Variants in DEPTOR observed in about 807,000 individuals in gnomAD.
DEPTOR encodes the protein DEP domain-containing mTOR-interacting protein.
In DEPTOR, 41 loss-of-function variants were observed where a neutral mutation model predicts 41.6. That is an observed-to-expected ratio of 0.98 (90% CI 0.77 to 1.28). DEPTOR has a LOEUF of 1.28. Ranked by LOEUF, DEPTOR falls within the 50% of genes most tolerant of loss-of-function variation. The probability of loss-of-function intolerance (pLI) is 0.00; values close to 1 mark genes in which losing one functional copy is unlikely to be tolerated. For synonymous variants in DEPTOR, 195 were observed against 192.3 expected, an observed-to-expected ratio of 1.01 and a Z score of -0.12; for missense variants, 514 against 527.9, an observed-to-expected ratio of 0.97 and a Z score of 0.26.
intron 1 of DEPTOR, among the ~76,000 whole-genome samples, chr8:119,890,649 T>C (rs1827441137): frequency 6.6e-6 from 1 of 152,184 alleles, no homozygotes; most frequent in Non-Finnish European, 1.5e-5. Context: ...ATTTGTTAAA[T>C]AATAGTGATA....
chr8:120,002,955 G>T, intron 5 of DEPTOR, 22 bp from the exon 6 acceptor site: 1 of 1,552,014 alleles, frequency 6.4e-7, no homozygotes, highest in Non-Finnish European at 8.7e-7. Context: ...TGGTGACTGT[G>T]TGTGTTCTCT....
intron 4 of DEPTOR, among the ~76,000 whole-genome samples, chr8:119,974,167 G>T (rs1439967429): frequency 7.2e-6 from 1 of 139,094 alleles, no homozygotes; most frequent in Non-Finnish European, 1.6e-5. Context: ...GGGAAGCTGA[G>T]TGGGGAGGAT....
At chr8:120,046,359 C>A (rs941473027) in intron 8 of DEPTOR, among the ~76,000 whole-genome samples, 24 of 151,942 alleles carry the variant, frequency 1.6e-4, no homozygotes, top group African/African-American at 5.3e-4. Context: ...CCCCACCCCA[C>A]CACCCCTGCT....
chr8:120,044,197 C>G (rs1813122091), intron 8 of DEPTOR, among the ~76,000 whole-genome samples: 1 of 151,062 alleles, frequency 6.6e-6, no homozygotes, highest in Non-Finnish European at 1.5e-5. Context: ...GGGTTTTGCT[C>G]TTGTTGCAAC....
At chr8:119,881,960 G>A (rs779920380) in intron 1 of DEPTOR, among the ~76,000 whole-genome samples, 4 of 152,080 alleles carry the variant, frequency 2.6e-5, no homozygotes, top group Non-Finnish European at 5.9e-5. Context: ...GTGCAATCGC[G>A]GCTCACTGCA....
At chr8:119,966,829 C>A (rs1025714703) in intron 4 of DEPTOR, among the ~76,000 whole-genome samples, 3 of 152,186 alleles carry the variant, frequency 2.0e-5, no homozygotes, top group African/African-American at 7.2e-5. Context: ...ACATGTATGG[C>A]AGCCTTCAGA....
chr8:119,910,943 G>T (rs10217077), intron 1 of DEPTOR, among the ~76,000 whole-genome samples: 75,652 of 151,670 alleles, frequency 0.5, 20,550 homozygotes, highest in East Asian at 0.92. Flanking sequence ...TCCTAGAGGG[G>T]TGTGTGTGTG....
chr8:119,917,993 A>C (rs558885631), intron 1 of DEPTOR, among the ~76,000 whole-genome samples: 4 of 152,340 alleles, frequency 2.6e-5, no homozygotes, highest in Non-Finnish European at 5.9e-5. Flanking sequence ...GATGCAGAGA[A>C]CTTTGTTCAT....
intron 3 of DEPTOR, among the ~76,000 whole-genome samples, chr8:119,943,733 G>A (rs1004362600): frequency 1.1e-4 from 16 of 152,062 alleles, no homozygotes; most frequent in African/African-American, 3.6e-4. Flanking sequence ...ACCCCACCCC[G>A]TTCTGTCAGA....
chr8:119,982,061 G>T (rs1828776659), intron 4 of DEPTOR, among the ~76,000 whole-genome samples: 1 of 151,304 alleles, frequency 6.6e-6, no homozygotes, highest in Non-Finnish European at 1.5e-5. Context: ...CATTGTGGGG[G>T]TCCTTTGGAG....
chr8:120,036,190 G>A (rs191964313), intron 8 of DEPTOR, among the ~76,000 whole-genome samples: 5 of 152,148 alleles, frequency 3.3e-5, no homozygotes, highest in Non-Finnish European at 5.9e-5. Flanking sequence ...GATTGATTGG[G>A]GCTGAAAGGG....
At chr8:120,001,150 TGAAGCCA>T (rs1165925506) in intron 4 of DEPTOR, among the ~76,000 whole-genome samples, 2 of 151,662 alleles carry the variant, frequency 1.3e-5, no homozygotes, top group East Asian at 3.9e-4. Flanking sequence ...CATGAGTAAG[TGAAGCCA>T]TGATCACTGC....
At chr8:119,935,492 G>A (rs751534997) in intron 3 of DEPTOR, among the ~76,000 whole-genome samples, 12 of 152,036 alleles carry the variant, frequency 7.9e-5, no homozygotes, top group Non-Finnish European at 1.5e-4. Flanking sequence ...AGGCCGAGGC[G>A]GGCAGATCCC....
chr8:119,980,515 C>CTTTTCTTT (rs1828752225), intron 4 of DEPTOR, among the ~76,000 whole-genome samples: 32 of 41,518 alleles, frequency 7.7e-4, no homozygotes, highest in African/African-American at 2.6e-3. Context: ...TTTCTTTTCT[C>CTTTTCTTT]TCTTTGTGTT....
At chr8:120,047,524 C>A (rs1210280100) in intron 8 of DEPTOR, among the ~76,000 whole-genome samples, 1 of 151,518 alleles carries the variant, frequency 6.6e-6, no homozygotes, top group Admixed American at 6.6e-5. Flanking sequence ...TCCGCCACCA[C>A]GCCCAGCTAA....
At chr8:120,001,739 C>G in intron 5 of DEPTOR, 29 bp downstream of exon 5, 1 of 1,591,328 alleles carries the variant, frequency 6.3e-7, no homozygotes, top group African/African-American at 1.3e-5. Context: ...TATTGGAGCT[C>G]AAGTGTTTGT....
Position 119,942,043 on chromosome 8 carries a change from G to T in DEPTOR, c.425+12105G>T, listed in dbSNP as rs114112863. On this transcript the variant is annotated intron_variant, in intron 3 of 8. Coordinates refer to ENST00000286234, the MANE Select transcript of DEPTOR (RefSeq NM_022783.4). ...ATCCTTCTTACCGTTTCTTTGTAAT[G>T]CCCCCCTCCCCCTGCTGTAACATAT... Among the ~76,000 whole-genome samples, 689 of 152,096 alleles carry T rather than the reference G, an allele frequency of 4.5e-3. 3 individuals carry two copies. The highest frequency in any genetic ancestry group is 0.016 in the African/African-American group (668 of 41,494).
chr8:119,991,042 CTT>C (rs1563584559), intron 4 of DEPTOR, among the ~76,000 whole-genome samples: 5 of 21,802 alleles, frequency 2.3e-4, no homozygotes, highest in East Asian at 1.1e-3. Flanking sequence ...TTCTTTCTTT[CTT>C]TCTTTCTTTC....
chr8:119,980,453 T>TTTC (rs1828748065), intron 4 of DEPTOR, among the ~76,000 whole-genome samples: 1 of 110,910 alleles, frequency 9.0e-6, no homozygotes, highest in Admixed American at 1.0e-4. Context: ...TCATTTTTCT[T>TTTC]TTTTCTTTTC....
Sources: allele counts gnomAD v4.1 joint callset (sites outside exome capture counted in the v4.1 genomes callset), GRCh38; gene constraint gnomAD v4.1.1; transcripts MANE v1.5; gene names NCBI Gene and HGNC (gene_info 2026-07-23, HGNC 2026-07-21).